Variants in RAPGEF4 observed in about 807,000 individuals in gnomAD.
The protein encoded by RAPGEF4 is RAP guanine-nucleotide-exchange factor (GEF) 4.
A neutral mutation model predicts 147.9 loss-of-function variants in RAPGEF4; 66 were observed. The observed-to-expected ratio is 0.45, with a 90% CI of 0.37 to 0.55. RAPGEF4 has a LOEUF of 0.55. RAPGEF4 is among the 20% of genes least tolerant of loss of function. RAPGEF4 has a pLI of 0.00. For synonymous variants in RAPGEF4, 419 were observed against 442.7 expected (o/e 0.95, Z 0.67); for missense variants, 1,071 against 1,257.3 (o/e 0.85, Z 2.24).
intron 10 of RAPGEF4, among the ~76,000 whole-genome samples, chr2:172,981,638 C>T (rs957627021): frequency 2.6e-5 from 4 of 152,172 alleles, no homozygotes; most frequent in Admixed American, 2.0e-4. Flanking sequence ...GAAGATAGCC[C>T]CTGTTGATTC....
chr2:173,048,414 A>T, intron 29 of RAPGEF4, 186 bp from the exon 30 acceptor site: 2 of 1,323,370 alleles, frequency 1.5e-6, no homozygotes, highest in Non-Finnish European at 2.0e-6. Context: ...CCTTGTATGT[A>T]TGTGGGTACC....
chr2:172,886,561 G>T (rs1398235550), intron 4 of RAPGEF4, among the ~76,000 whole-genome samples: 1 of 152,144 alleles, frequency 6.6e-6, no homozygotes, highest in African/African-American at 2.4e-5. Flanking sequence ...TTTGTCCCTT[G>T]TCTTGAGAAT....
At chr2:173,006,797 T>G (rs949655209) in intron 17 of RAPGEF4, among the ~76,000 whole-genome samples, 3 of 152,216 alleles carry the variant, frequency 2.0e-5, no homozygotes, top group Non-Finnish European at 2.9e-5. Flanking sequence ...TAGGAACATT[T>G]TTTAGATTTC....
chr2:172,986,996 C>T (rs1240890935), intron 12 of RAPGEF4, among the ~76,000 whole-genome samples: 1 of 152,140 alleles, frequency 6.6e-6, no homozygotes, highest in Non-Finnish European at 1.5e-5. Context: ...TGCACTCAGC[C>T]TTTTTTCATA....
At chr2:173,017,825 G>A (rs1311425025) in intron 21 of RAPGEF4, among the ~76,000 whole-genome samples, 2 of 152,208 alleles carry the variant, frequency 1.3e-5, no homozygotes, top group Non-Finnish European at 2.9e-5. Context: ...GGTAGCTGGC[G>A]CCTAGTGGGT....
At chr2:172,918,139 T>G (rs565650331) in intron 5 of RAPGEF4, 2 of 617,632 alleles carry the variant, frequency 3.2e-6, no homozygotes, top group African/African-American at 3.6e-5. Context: ...CCAAAATATC[T>G]TCATCTTATA....
chr2:172,744,514 T>C (rs1694602481), intron 1 of RAPGEF4: 7 of 403,090 alleles, frequency 1.7e-5, no homozygotes, highest in Admixed American at 1.4e-4. Flanking sequence ...CTGTATAGGC[T>C]CAAACCCCAG....
intron 4 of RAPGEF4, among the ~76,000 whole-genome samples, chr2:172,874,757 A>G (rs1044642732): frequency 4.6e-5 from 7 of 152,190 alleles, no homozygotes; most frequent in African/African-American, 1.7e-4. Flanking sequence ...CTTCGGGTAT[A>G]TACCCAGTAA....
intron 9 of RAPGEF4, 25 bp downstream of exon 9, chr2:172,965,708 A>C (rs751430330): frequency 3.1e-6 from 5 of 1,614,064 alleles, no homozygotes; most frequent in Non-Finnish European, 3.4e-6. Flanking sequence ...AGTCCCTGGA[A>C]ACCTCTCAAG....
intron 4 of RAPGEF4, among the ~76,000 whole-genome samples, chr2:172,882,863 C>T (rs1696775849): frequency 6.6e-6 from 1 of 152,154 alleles, no homozygotes; most frequent in Non-Finnish European, 1.5e-5. Context: ...GGAAGACATG[C>T]TAGATCCAAG....
In RAPGEF4 at chr2:173,018,794, C is replaced by G; in HGVS notation, c.2147C>G (p.Ser716Cys). Residue 716 changes from serine to cysteine, a missense_variant, in exon 22 of 31, where the codon TCC (serine) becomes TGC (cysteine). Physicochemically the swap from Ser to Cys is moderately radical, Grantham distance 112. Transcript: ENST00000397081. Reference protein sequence around the residue: ...GEGLIIVKMSSGGEKVVLKPN... With the variant: ...GEGLIIVKMSCGGEKVVLKPN... ...GGCCTGATCATAGTCAAGATGAGTTCCGGAGGAGGTAACAGTCTTAATTCA... is the reference window on the plus strand; with the variant it reads ...GGCCTGATCATAGTCAAGATGAGTTGCGGAGGAGGTAACAGTCTTAATTCA... 1 of 1,613,202 alleles carries G rather than the reference C, an allele frequency of 6.2e-7. No individual in the cohort carries two copies. Among genetic ancestry groups the G allele is most frequent in the Non-Finnish European group, 8.5e-7 (1 of 1,179,776 alleles).
At chr2:172,797,669 C>G (rs1292826220) in intron 3 of RAPGEF4, 56 bp downstream of exon 3, 5 of 1,315,738 alleles carry the variant, frequency 3.8e-6, no homozygotes, top group Non-Finnish European at 5.4e-6. Flanking sequence ...GACTTATTAT[C>G]CCTATGTCTT....
In RAPGEF4 at chr2:173,052,492, A is replaced by T. The variant is rs1686341859; in HGVS notation, c.*725A>T. 1 of 152,664 alleles carries T rather than the reference A, an allele frequency of 6.6e-6. No homozygotes were observed. Among genetic ancestry groups the T allele is most frequent in the Admixed American group, 6.5e-5 (1 of 15,280 alleles). The allele number at this position is 152,664 out of a possible 1,614,324, so 9.5% of individuals were successfully genotyped here. ...TGCCAGCGTTAAAGTAGAAAATAAC[A>T]TTTCAGAAGAGCACAATATGCATAA... is the stretch of plus-strand genomic sequence containing the variant. On this transcript the variant is annotated 3_prime_UTR_variant, in exon 31 of 31. Transcript: ENST00000397081.
At chr2:172,856,832 GT>G (rs755811637) in intron 4 of RAPGEF4, among the ~76,000 whole-genome samples, 13 of 152,060 alleles carry the variant, frequency 8.5e-5, no homozygotes, top group Non-Finnish European at 1.3e-4. Flanking sequence ...CTGTCCTCTG[GT>G]TTCTCAACCA....
chr2:173,020,819 G>A (rs1696018313), intron 23 of RAPGEF4, 104 bp downstream of exon 23: 2 of 817,584 alleles, frequency 2.4e-6, no homozygotes, highest in Admixed American at 2.5e-5. Context: ...AATCTTGAAT[G>A]GTACTTAGCT....
chr2:172,805,363 C>G (rs895308240), intron 3 of RAPGEF4, among the ~76,000 whole-genome samples: 1 of 152,152 alleles, frequency 6.6e-6, no homozygotes, highest in African/African-American at 2.4e-5. Flanking sequence ...TTATTCTGCC[C>G]CTATTACTTT....
At chr2:173,049,234 A>G (rs1024497936) in intron 30 of RAPGEF4, among the ~76,000 whole-genome samples, 5 of 152,234 alleles carry the variant, frequency 3.3e-5, no homozygotes, top group African/African-American at 1.2e-4. Flanking sequence ...ATACTTTAAT[A>G]TAAAAAAATT....
chr2:172,903,946 C>T (rs1699354010), intron 4 of RAPGEF4, among the ~76,000 whole-genome samples: 2 of 152,272 alleles, frequency 1.3e-5, no homozygotes, highest in Middle Eastern at 3.4e-3. Context: ...CTCTACCTGG[C>T]ATGCCACCCT....
In RAPGEF4 at chr2:173,017,024, A is replaced by G. The variant is rs1017008266; in HGVS notation, c.1899-150A>G. 2.6e-5 allele frequency: 19 copies of G among 723,982 alleles called. No homozygotes were observed. The Admixed American group carries it at 4.7e-4, about 18-fold the overall frequency. 44.8% of individuals were successfully genotyped at this position (723,982 alleles called of 1,614,324 possible). On this transcript the variant is annotated intron_variant, in intron 19 of 30. Transcript: ENST00000397081. Reference sequence around the variant, plus strand: ...GCTGTCTACCCTTCTGCTTTGATCTATTACTATTAAAATGAGGAAGCTCAT... The same window carrying G: ...GCTGTCTACCCTTCTGCTTTGATCTGTTACTATTAAAATGAGGAAGCTCAT...
Sources: allele counts gnomAD v4.1 joint callset (sites outside exome capture counted in the v4.1 genomes callset), GRCh38; gene constraint gnomAD v4.1.1; transcripts MANE v1.5; gene names NCBI Gene and HGNC (gene_info 2026-07-23, HGNC 2026-07-21).